Variants in ADGRE2 observed in about 807,000 individuals in gnomAD.
ADGRE2 encodes the protein CD97 antigen.
Under a neutral mutation model 100.8 loss-of-function variants are expected in ADGRE2, and 83 were observed. That is an observed-to-expected ratio of 0.82 (90% CI 0.69 to 0.99). The LOEUF is 0.99. ADGRE2 is among the 50% of genes least tolerant of loss of function. ADGRE2 has a pLI of 0.00. For missense variants in ADGRE2, 814 were observed against 1,035.7 expected, an observed-to-expected ratio of 0.79 and a Z score of 2.94; for synonymous variants, 355 against 413.0, an observed-to-expected ratio of 0.86 and a Z score of 1.70.
Position 14,756,240 on chromosome 19 carries a change from G to C in ADGRE2, c.1190C>G (p.Pro397Arg). 5.6e-6 allele frequency: 9 copies of C among 1,611,158 alleles called. No individual in the cohort carries two copies. The highest frequency in any genetic ancestry group is 1.1e-5 in the South Asian group (1 of 91,022). Reference sequence around the variant, plus strand: ...CACCTCCCCATCTCAGCCATTACCTGGGTCACCAGATTTCTGTGCCTGATT... The same window carrying C: ...CACCTCCCCATCTCAGCCATTACCTCGGTCACCAGATTTCTGTGCCTGATT... ...DWNQAQKSGD[P>R]GPSVVGLVSI... The change falls in exon 12 of 21, where the codon CCA becomes CGA. Residue 397 changes from proline to arginine, a missense_variant and splice_region_variant. Pro to Arg is a moderately radical substitution (Grantham distance 103). Around this residue, in one of 5 missense-constraint regions of ADGRE2, gnomAD observed 569 missense variants for 692.7 expected, o/e 0.82. Coordinates refer to ENST00000315576, the MANE Select transcript of ADGRE2 (RefSeq NM_013447.4).
In ADGRE2 at chr19:14,772,396, C is replaced by G. The variant is rs1293053415; in HGVS notation, c.301G>C (p.Glu101Gln). The G allele has an allele frequency of 6.2e-7, 1 of 1,614,068 alleles. No individual in the cohort carries two copies. The highest frequency in any genetic ancestry group is 1.6e-4 in the Middle Eastern group (1 of 6,062). ...SYDCVCSPGYEPVSGAKTFKN... is the reference protein window; with the variant it reads ...SYDCVCSPGYQPVSGAKTFKN... ...AATGTTTTTGCCCCAGAAACAGGCT[C>G]ATATCCTGGGCTGCACACGCAGTCG... is the stretch of plus-strand genomic sequence containing the variant. The change falls in exon 5 of 21, where the codon GAG (glutamate) becomes CAG (glutamine). Residue 101 changes from glutamate to glutamine, a missense_variant. Around this residue, in one of 5 missense-constraint regions of ADGRE2, gnomAD observed 143 missense variants for 160.3 expected, o/e 0.89. Coordinates refer to ENST00000315576, the MANE Select transcript of ADGRE2 (RefSeq NM_013447.4).
intron 20 of ADGRE2, among the ~76,000 whole-genome samples, chr19:14,738,382 C>T (rs544502404): frequency 5.3e-5 from 8 of 151,968 alleles, no homozygotes; most frequent in Non-Finnish European, 8.8e-5. Context: ...CACTGAATTC[C>T]TTTTTTTTCC....
Position 14,774,155 on chromosome 19 carries a change from G to A in ADGRE2, c.82+101C>T, listed in dbSNP as rs143439829. ...GCAGAGCGCTGAGTTTCCCGTGCAC[G>A]AGCCCTCTCTTTCCCTGGGCTGAAG... is the stretch of plus-strand genomic sequence containing the variant. On this transcript the variant is annotated intron_variant, in intron 3 of 20. Coordinates refer to ENST00000315576, the MANE Select transcript of ADGRE2 (RefSeq NM_013447.4). 613 of 1,516,266 alleles carry A rather than the reference G, an allele frequency of 4.0e-4. 5 individuals carry two copies. The African/African-American group carries it at 7.2e-3, about 18-fold the overall frequency. The allele number at this position is 1,516,266 out of a possible 1,614,324, so 93.9% of individuals were successfully genotyped here. A position where few individuals can be genotyped will look rare whatever the true frequency, so the allele number is the denominator to read the frequency against.
At chr19:14,772,852 G>A (rs943483629) in intron 4 of ADGRE2, among the ~76,000 whole-genome samples, 4 of 151,546 alleles carry the variant, frequency 2.6e-5, no homozygotes, top group Non-Finnish European at 4.4e-5. Flanking sequence ...GGCCGAGGCC[G>A]GCAGATCACT....
intron 5 of ADGRE2, chr19:14,772,141 C>A (rs1677439590): frequency 3.0e-6 from 2 of 665,114 alleles, no homozygotes; most frequent in Non-Finnish European, 5.0e-6. Flanking sequence ...GCCCAGGTAG[C>A]TGGTCCCAGA....
downstream of ADGRE2, among the ~76,000 whole-genome samples, chr19:14,728,036 C>T (rs1350058800): frequency 7.2e-5 from 11 of 152,154 alleles, no homozygotes; most frequent in East Asian, 2.1e-3. Context: ...TCCTGGCTAA[C>T]ACGGTGAAAC....
chr19:14,772,186 T>C (rs2044235041), intron 5 of ADGRE2, 156 bp downstream of exon 5: 1 of 1,084,804 alleles, frequency 9.2e-7, no homozygotes. Context: ...GCTGCCTCTC[T>C]GGGCTGGCGA....
intron 2 of ADGRE2, chr19:14,776,331 T>A (rs2044437122): frequency 6.6e-6 from 1 of 152,342 alleles, no homozygotes; most frequent in Admixed American, 6.6e-5. Context: ...CTGGCCTCTA[T>A]TTTCCCCGCC....
rs2042702613 is a variant in ADGRE2, at chr19:14,733,784, C to T, written c.*2452G>A. ...CTTTCCTCTTTCTTTAATTCTTACA[C>T]TGACCTAGTGGTGGAGGCTTGGCAA... On this transcript the variant is annotated 3_prime_UTR_variant, in exon 21 of 21. Coordinates refer to ENST00000315576, the MANE Select transcript of ADGRE2 (RefSeq NM_013447.4). The T allele has an allele frequency of 6.6e-6, 1 of 152,190 alleles. No individual in the cohort carries two copies. The allele number at this position is 152,190 out of a possible 1,614,324, so 9.4% of individuals were successfully genotyped here.
At chr19:14,773,661 G>A (rs2044307942) in intron 4 of ADGRE2, among the ~76,000 whole-genome samples, 2 of 151,860 alleles carry the variant, frequency 1.3e-5, no homozygotes, top group African/African-American at 2.4e-5. Context: ...CCAGATGTGT[G>A]CCACCATGCG....
chr19:14,763,938 C>G (rs1157865413), intron 11 of ADGRE2, among the ~76,000 whole-genome samples: 3 of 145,458 alleles, frequency 2.1e-5, no homozygotes, highest in Non-Finnish European at 4.5e-5. Context: ...CTCCCCTCCT[C>G]TCCTCCTGTC....
At chr19:14,731,814 C>T (rs914734822), downstream of ADGRE2, 1 of 152,096 alleles carries the variant, frequency 6.6e-6, no homozygotes, top group African/African-American at 2.4e-5. Context: ...AACCCATGAG[C>T]AAATTAACAT....
intron 14 of ADGRE2, 118 bp downstream of exon 14, chr19:14,754,836 C>T: frequency 8.7e-7 from 1 of 1,148,452 alleles, no homozygotes. Context: ...CTTGCTATGC[C>T]AGCTTGCTGA....
intron 14 of ADGRE2, among the ~76,000 whole-genome samples, chr19:14,752,882 G>T (rs536629667): frequency 6.6e-6 from 1 of 151,566 alleles, no homozygotes; most frequent in African/African-American, 2.4e-5. Flanking sequence ...AGCGATTCTC[G>T]TGTCTCAGCC....
rs767468423 is a variant in ADGRE2 at position 14,733,001 on chromosome 19, T to C, written c.*3235A>G. The C allele has an allele frequency of 6.6e-6, 1 of 152,228 alleles. No homozygotes were observed. Among genetic ancestry groups the C allele is most frequent in the Non-Finnish European group, 1.5e-5 (1 of 68,054 alleles). 9.4% of individuals were successfully genotyped at this position (152,228 alleles called of 1,614,324 possible). A position where few individuals can be genotyped will look rare whatever the true frequency, so the allele number is the denominator to read the frequency against. On this transcript the variant is annotated 3_prime_UTR_variant, in exon 21 of 21. Transcript: ENST00000315576. ...TATGGGGATATGGGCTCTACACTCA[T>C]AGGGACCCACATGTTCCAAGCCTCC...
At chr19:14,748,785 C>G (rs912405599) in intron 16 of ADGRE2, among the ~76,000 whole-genome samples, 1 of 152,054 alleles carries the variant, frequency 6.6e-6, no homozygotes, top group Non-Finnish European at 1.5e-5. Flanking sequence ...AAATCTTCTA[C>G]GAGGCCAGTG....
intron 20 of ADGRE2, among the ~76,000 whole-genome samples, chr19:14,737,944 T>C (rs1434161165): frequency 2.0e-5 from 3 of 149,216 alleles, no homozygotes; most frequent in African/African-American, 7.5e-5. Flanking sequence ...GCCACTGTAC[T>C]CCAGTCTGGG....
Position 14,735,747 on chromosome 19 carries a change from T to G in ADGRE2, c.*489A>C, listed in dbSNP as rs1202902594. ...TCTATGTGTGAGTAATCAATATTTTTCACATGACTAAATAATCAAACCCGT... is the reference window on the plus strand; with the variant it reads ...TCTATGTGTGAGTAATCAATATTTTGCACATGACTAAATAATCAAACCCGT... On this transcript the variant is annotated 3_prime_UTR_variant, in exon 21 of 21. Transcript: ENST00000315576. 1 of 152,678 alleles carries G rather than the reference T, an allele frequency of 6.5e-6. No individual in the cohort carries two copies. Among genetic ancestry groups the G allele is most frequent in the African/African-American group, 2.4e-5 (1 of 41,428 alleles). The allele number at this position is 152,678 out of a possible 1,614,324, so 9.5% of individuals were successfully genotyped here.
chr19:14,777,093 C>A, intron 1 of ADGRE2, 166 bp from the exon 2 acceptor site: 6 of 985,432 alleles, frequency 6.1e-6, no homozygotes, highest in Non-Finnish European at 7.2e-6. Flanking sequence ...GTGGCTCTGA[C>A]CAACCCTCTG....
Sources: gnomAD v4.1 joint callset for allele counts (sites outside exome capture counted in the v4.1 genomes callset) on GRCh38, gnomAD v4.1.1 for gene constraint, gnomAD v4.1.1 regional missense constraint, MANE v1.5 for transcripts, NCBI Gene and HGNC (gene_info 2026-07-23, HGNC 2026-07-21) for gene names.